Variants in NEDD4 observed in about 807,000 individuals in gnomAD.
NEDD4 encodes the protein NEDD4 E3 ubiquitin protein ligase.
A neutral mutation model predicts 144.9 loss-of-function variants in NEDD4; 99 were observed. The observed-to-expected ratio is 0.68, with a 90% CI of 0.58 to 0.81. The LOEUF (loss-of-function observed/expected upper bound fraction) is 0.81, where lower values mean the gene tolerates loss of function less well. Among genes scored for constraint, NEDD4 ranks in the 30% least tolerant of loss-of-function variants. NEDD4 has a pLI of 0.00. For missense variants in NEDD4, 985 were observed against 1,065.9 expected (o/e 0.92, Z 1.06); for synonymous variants, 318 against 350.6 (o/e 0.91, Z 1.04).
chr15:55,833,237 T>A (rs1223859485), intron 26 of NEDD4, 133 bp from the exon 27 acceptor site: 1 of 600,932 alleles, frequency 1.7e-6, no homozygotes, highest in East Asian at 2.7e-5. Context: ...TTCAGTTAAA[T>A]TTTTGTTTAT....
At chr15:55,938,409 A>T (rs1272586892) in intron 4 of NEDD4, among the ~76,000 whole-genome samples, 2 of 152,128 alleles carry the variant, frequency 1.3e-5, no homozygotes, top group Admixed American at 6.6e-5. Context: ...GGATATCCAT[A>T]CGCAAAAGAA....
At chr15:55,920,751 T>G (rs2036553375) in intron 5 of NEDD4, among the ~76,000 whole-genome samples, 1 of 152,174 alleles carries the variant, frequency 6.6e-6, no homozygotes, top group South Asian at 2.1e-4. Flanking sequence ...GGAATGACAT[T>G]TATAATGACA....
chr15:55,905,291 A>AT, intron 5 of NEDD4: 1 of 455,980 alleles, frequency 2.2e-6, no homozygotes, highest in Non-Finnish European at 4.4e-6. Context: ...GCTGTAAAAC[A>AT]TAACTGGCAA....
intron 13 of NEDD4, 88 bp downstream of exon 13, chr15:55,852,336 G>C: frequency 1.5e-6 from 2 of 1,353,530 alleles, no homozygotes; most frequent in Non-Finnish European, 2.0e-6. Flanking sequence ...GAAGTATCCA[G>C]TGTATCCTAC....
intron 5 of NEDD4, among the ~76,000 whole-genome samples, chr15:55,911,775 G>A (rs905252473): frequency 2.1e-4 from 32 of 152,054 alleles, no homozygotes; most frequent in African/African-American, 6.0e-4. Flanking sequence ...TGATCCGCCC[G>A]TCTCGGCCTC....
chr15:55,864,853 G>A (rs2034531539), intron 8 of NEDD4, among the ~76,000 whole-genome samples: 1 of 152,096 alleles, frequency 6.6e-6, no homozygotes, highest in African/African-American at 2.4e-5. Context: ...TGGTTCTGGT[G>A]CATGCATCGA....
intron 27 of NEDD4, 31 bp downstream of exon 27, chr15:55,832,977 A>AT (rs1408958074): frequency 6.8e-7 from 1 of 1,479,616 alleles, no homozygotes; most frequent in Non-Finnish European, 9.4e-7. Flanking sequence ...GCATTATTCC[A>AT]TTTTTTTAAT....
rs188931850 is a variant in NEDD4 at position 55,836,832 on chromosome 15, A to T, written c.2262+957T>A. The stretch of plus-strand genomic sequence containing the variant: ...AATGAGCCACCGCGCCCAAATTTTT[A>T]ATTTTTTATAGAGATAAGGTCTCCC... On this transcript the variant is annotated intron_variant, in intron 24 of 28. Transcript: ENST00000435532. Among the ~76,000 whole-genome samples, 11 of 151,540 alleles carry T rather than the reference A, an allele frequency of 7.3e-5. 1 individual carries two copies. In the East Asian group the frequency reaches 1.8e-3, roughly 24 times the overall value.
At chr15:55,946,586 T>G (rs1243629919) in intron 4 of NEDD4, among the ~76,000 whole-genome samples, 17 of 152,212 alleles carry the variant, frequency 1.1e-4, no homozygotes, top group African/African-American at 3.9e-4. Context: ...CTGTCAACAT[T>G]AGACAGATCA....
rs755729257 is a variant in NEDD4, at chr15:55,860,536, A to T, written c.831T>A (p.Tyr277Ter). ...GAGGTGATGGGAAGGCCTGGTTGCT[A>T]TACATGGTGGCTTCATCTTCTCTTA... ...EIIREDEATM[Y>*]SNQAFPSPPP... Residue 277 changes from tyrosine (Y) to a stop codon, truncating the protein, a stop_gained, in exon 11 of 29, where the codon TAT becomes TAA. Coordinates refer to ENST00000435532, the MANE Select transcript of NEDD4 (RefSeq NM_006154.4). LOFTEE classifies it high-confidence loss of function. 1.2e-6 allele frequency: 2 copies of T among 1,614,134 alleles called. No homozygotes were observed. Among genetic ancestry groups the T allele is most frequent in the East Asian group, 2.2e-5 (1 of 44,880 alleles).
chr15:55,838,604 C>A lies in NEDD4; in HGVS notation c.2032G>T (p.Asp678Tyr). 1 of 1,594,292 alleles carries A rather than the reference C, an allele frequency of 6.3e-7. No homozygotes were observed. The highest frequency in any genetic ancestry group is 1.3e-5 in the African/African-American group (1 of 74,538). ...CTTAGGGAATTGTAATATTCACTAT[C>A]CTAGATGGGAAAAATTACATATTTA... ...PITLHDMESVDSEYYNSLRWI... is the reference protein window; with the variant it reads ...PITLHDMESVYSEYYNSLRWI... Residue 678 changes from aspartate (D) to tyrosine (Y), a missense_variant and splice_region_variant, in exon 22 of 29, where the codon GAT (aspartate) becomes TAT (tyrosine). Physicochemically the swap from Asp to Tyr is radical, Grantham distance 160. Coordinates refer to ENST00000435532, the MANE Select transcript of NEDD4 (RefSeq NM_006154.4).
intron 5 of NEDD4, among the ~76,000 whole-genome samples, chr15:55,907,595 G>C (rs1418789809): frequency 3.3e-5 from 5 of 152,150 alleles, no homozygotes; most frequent in African/African-American, 1.2e-4. Context: ...TTGCTTTGAA[G>C]ACGACTTGAG....
chr15:55,968,532 T>C (rs2037555265), intron 1 of NEDD4, among the ~76,000 whole-genome samples: 1 of 152,076 alleles, frequency 6.6e-6, no homozygotes, highest in South Asian at 2.1e-4. Context: ...TTGAGACAAA[T>C]GATAATTATC....
intron 4 of NEDD4, among the ~76,000 whole-genome samples, chr15:55,928,538 T>C (rs2036719652): frequency 6.6e-6 from 1 of 152,222 alleles, no homozygotes; most frequent in African/African-American, 2.4e-5. Flanking sequence ...CCCTATACTG[T>C]AATCACACTG....
intron 5 of NEDD4, among the ~76,000 whole-genome samples, chr15:55,900,042 A>G (rs1447725823): frequency 6.7e-6 from 1 of 150,106 alleles, no homozygotes; most frequent in African/African-American, 2.4e-5. Context: ...GCCCCACACC[A>G]CACTGTGTTC....
At chr15:55,909,172 A>C (rs2036192612) in intron 5 of NEDD4, among the ~76,000 whole-genome samples, 1 of 152,174 alleles carries the variant, frequency 6.6e-6, no homozygotes, top group African/African-American at 2.4e-5. Context: ...CCATGAATTT[A>C]CTTACTTGTT....
At position 55,862,990 on chromosome 15, in the gene NEDD4, C is replaced by T. The variant is rs766308956; in HGVS notation, c.597G>A (p.Glu199=). ...AGGTCCTTCCAAGGATATCCTGCCT[C>T]TCTTCCCACCCTGGAGGTAGAGGAG... ...EPSPLPPGWE[E]RQDILGRTYY... The change falls in exon 9 of 29, where the codon GAG becomes GAA. Residue 199 remains glutamate, a synonymous_variant. Transcript: ENST00000435532. 21 of 1,607,482 alleles carry T rather than the reference C, an allele frequency of 1.3e-5. No individual in the cohort carries two copies. The Middle Eastern group carries it at 5.0e-4, about 38-fold the overall frequency.
At position 55,828,761 on chromosome 15, in the gene NEDD4, A is replaced by G. The variant is rs2032805480; in HGVS notation, c.*1136T>C. 1 of 152,672 alleles carries G rather than the reference A, an allele frequency of 6.5e-6. No homozygotes were observed. Among genetic ancestry groups the G allele is most frequent in the Non-Finnish European group, 1.5e-5 (1 of 68,046 alleles). 9.5% of individuals were successfully genotyped at this position (152,672 alleles called of 1,614,324 possible). On this transcript the variant is annotated 3_prime_UTR_variant, in exon 29 of 29. Coordinates refer to ENST00000435532, the MANE Select transcript of NEDD4 (RefSeq NM_006154.4). Reference sequence around the variant, plus strand: ...CAGAATTCTGGATTTGTAATTAAAAACATTGTCTTCATAGTAAACAGTATT... The same window carrying G: ...CAGAATTCTGGATTTGTAATTAAAAGCATTGTCTTCATAGTAAACAGTATT...
At chr15:55,935,027 C>T (rs2036859192) in intron 4 of NEDD4, among the ~76,000 whole-genome samples, 3 of 151,864 alleles carry the variant, frequency 2.0e-5, no homozygotes, top group South Asian at 2.1e-4. Flanking sequence ...CACCACCATG[C>T]CTGGCTAATT....
Sources: gnomAD v4.1 joint callset for allele counts (sites outside exome capture counted in the v4.1 genomes callset) on GRCh38, gnomAD v4.1.1 for gene constraint, MANE v1.5 for transcripts, NCBI Gene and HGNC (gene_info 2026-07-23, HGNC 2026-07-21) for gene names.